CTBP2: variants seen among roughly 807,000 people sequenced by gnomAD.
CTBP2 encodes C-terminal-binding protein 2.
CTBP2 carries 30 observed loss-of-function variants against 80.3 expected under a neutral mutation model. The ratio of observed to expected loss-of-function variants is 0.37; its 90% CI spans 0.28 to 0.51. CTBP2 has a LOEUF of 0.51. Ranked by LOEUF, CTBP2 falls within the 20% of genes least tolerant of loss-of-function variation. The probability of loss-of-function intolerance (pLI) is 0.93; values close to 1 mark genes in which losing one functional copy is unlikely to be tolerated. For synonymous variants in CTBP2, 594 were observed against 587.4 expected, an observed-to-expected ratio of 1.01 and a Z score of -0.16; for missense variants, 1,212 against 1,375.3, an observed-to-expected ratio of 0.88 and a Z score of 1.88.
At chr10:125,037,198 C>T (rs968103776) in intron 3 of CTBP2, among the ~76,000 whole-genome samples, 1 of 152,238 alleles carries the variant, frequency 6.6e-6, no homozygotes, top group Non-Finnish European at 1.5e-5. Context: ...AACCATCCTT[C>T]AGCACCTGTC....
intron 2 of CTBP2, among the ~76,000 whole-genome samples, chr10:125,110,193 T>C (rs577125273): frequency 1.3e-5 from 2 of 152,312 alleles, no homozygotes; most frequent in South Asian, 2.1e-4. Context: ...CAGGACACAA[T>C]TGGCTAGCGG....
chr10:125,114,399 C>A lies in CTBP2; in HGVS notation c.-205-3306G>T, dbSNP rs529741243. On this transcript the variant is annotated intron_variant, in intron 1 of 10. Coordinates refer to the CTBP2 transcript ENST00000337195. ...TCTCACACATCCCAGAAGAGAACCG[C>A]AGCACCCAGAGATGGATTTGGGGGT... 1.8e-3 allele frequency among the ~76,000 whole-genome samples: 269 copies of A among 151,774 alleles called. 1 individual carries two copies. Among genetic ancestry groups the A allele is most frequent in the African/African-American group, 6.1e-3 (252 of 41,500 alleles).
intron 1 of CTBP2, among the ~76,000 whole-genome samples, chr10:125,121,342 T>C (rs1025790635): frequency 1.3e-5 from 2 of 152,242 alleles, no homozygotes; most frequent in African/African-American, 4.8e-5. Flanking sequence ...TCACACGGCT[T>C]GGTGAATTCG....
At chr10:125,052,314 G>T (rs1962976090) in intron 2 of CTBP2, among the ~76,000 whole-genome samples, 1 of 152,200 alleles carries the variant, frequency 6.6e-6, no homozygotes, top group South Asian at 2.1e-4. Flanking sequence ...CACGGCCTGA[G>T]GTGTGCCCGT....
intron 3 of CTBP2, among the ~76,000 whole-genome samples, chr10:125,035,898 G>A (rs780522397): frequency 2.6e-5 from 4 of 152,184 alleles, no homozygotes; most frequent in South Asian, 2.1e-4. Context: ...CCTGTGTTAC[G>A]AGAGGGCTCC....
At chr10:125,101,584 T>C (rs916011962) in intron 2 of CTBP2, among the ~76,000 whole-genome samples, 2 of 152,196 alleles carry the variant, frequency 1.3e-5, no homozygotes, top group Non-Finnish European at 2.9e-5. Flanking sequence ...ACCAGGTCGA[T>C]GGGCAAGGAG....
At chr10:125,141,747 C>G (rs868686878) in intron 1 of CTBP2, among the ~76,000 whole-genome samples, 2 of 151,682 alleles carry the variant, frequency 1.3e-5, no homozygotes, top group South Asian at 4.2e-4. Context: ...AGGTACACAG[C>G]GAGCACACAG....
At chr10:125,010,350 G>A (rs1955739686) in intron 1 of CTBP2, among the ~76,000 whole-genome samples, 1 of 151,842 alleles carries the variant, frequency 6.6e-6, no homozygotes, top group Non-Finnish European at 1.5e-5. Context: ...TCCCAATGCT[G>A]CGTCCACTTC....
At position 125,109,517 on chromosome 10, in the gene CTBP2, G is replaced by A. The variant is rs376531604; in HGVS notation, c.-102+1473C>T. ...TAAGCAACGTTTGTCCTGAAAGGCT[G>A]AACTGAATAAGGTTGCGAGTGGCGG... On this transcript the variant is annotated intron_variant, in intron 2 of 10. Transcript: ENST00000337195. Among the ~76,000 whole-genome samples the A allele has an allele frequency of 1.6e-4, 24 of 152,376 alleles. No homozygotes were observed. The South Asian group carries it at 5.0e-3, about 32-fold the overall frequency.
At chr10:125,018,618 C>A (rs1220568675) in intron 1 of CTBP2, among the ~76,000 whole-genome samples, 1 of 152,152 alleles carries the variant, frequency 6.6e-6, no homozygotes, top group Non-Finnish European at 1.5e-5. Flanking sequence ...CTAATATTTA[C>A]TGAACTCAGT....
rs114709618 is a variant in CTBP2, at chr10:125,153,785, G to A, written c.-206+6534C>T. Among the ~76,000 whole-genome samples, 1,472 of 152,284 alleles carry A rather than the reference G, an allele frequency of 9.7e-3. 25 individuals are homozygous for A. The highest frequency in any genetic ancestry group is 0.034 in the African/African-American group (1,418 of 41,540). On this transcript the variant is annotated intron_variant, in intron 1 of 10. Coordinates refer to the CTBP2 transcript ENST00000337195. ...ATCTCCCTCCACGGTCTAGGTCTTC[G>A]GTTCCTTCCAGAGAAACTTCCTCAG...
chr10:125,076,290 GC>G (rs1461653264), intron 2 of CTBP2, among the ~76,000 whole-genome samples: 4 of 152,172 alleles, frequency 2.6e-5, no homozygotes, highest in African/African-American at 7.2e-5. Flanking sequence ...TGTGACACTG[GC>G]CCTGGAAGGC....
At chr10:125,124,561 C>G (rs1288805727) in intron 1 of CTBP2, among the ~76,000 whole-genome samples, 1 of 151,972 alleles carries the variant, frequency 6.6e-6, no homozygotes, top group Non-Finnish European at 1.5e-5. Context: ...TTCTATAAAC[C>G]CTTAAACAGT....
chr10:124,998,264 G>T, intron 3 of CTBP2, 94 bp from the exon 6 acceptor site: 1 of 1,401,374 alleles, frequency 7.1e-7, no homozygotes, highest in Non-Finnish European at 9.7e-7. Context: ...AGACTCGGTT[G>T]TTGGCACCGG....
At chr10:125,040,892 A>T (rs1260233014) in intron 2 of CTBP2, among the ~76,000 whole-genome samples, 1 of 152,222 alleles carries the variant, frequency 6.6e-6, no homozygotes, top group African/African-American at 2.4e-5. Context: ...GAAAAAGCAC[A>T]ATTTCCAATC....
intron 4 of CTBP2, 62 bp from the exon 7 acceptor site, chr10:124,994,745 T>C: frequency 7.2e-6 from 11 of 1,524,706 alleles, no homozygotes; most frequent in Non-Finnish European, 7.3e-6. Context: ...CGCTGCCACC[T>C]CCATTGCTTC....
At chr10:125,087,723 A>G (rs956399515) in intron 2 of CTBP2, among the ~76,000 whole-genome samples, 2 of 152,164 alleles carry the variant, frequency 1.3e-5, no homozygotes, top group Admixed American at 6.5e-5. Context: ...GGATGCTTCA[A>G]CGCCGACTCC....
At chr10:125,159,315 G>A (rs938267927) in intron 1 of CTBP2, among the ~76,000 whole-genome samples, 2 of 149,076 alleles carry the variant, frequency 1.3e-5, no homozygotes, top group Non-Finnish European at 3.0e-5. Context: ...CGGGGAAGGT[G>A]GGGGAGGCGG....
At chr10:125,119,554 ATACT>A (rs1853960987) in intron 1 of CTBP2, among the ~76,000 whole-genome samples, 1 of 152,238 alleles carries the variant, frequency 6.6e-6, no homozygotes, top group African/African-American at 2.4e-5. Context: ...CATAGGAAAA[ATACT>A]TATAGGTCAA....
Sources: allele counts gnomAD v4.1 joint callset (sites outside exome capture counted in the v4.1 genomes callset), GRCh38; gene constraint gnomAD v4.1.1; transcripts MANE v1.5; gene names NCBI Gene and HGNC (gene_info 2026-07-23, HGNC 2026-07-21).